Variants in KIF26A observed in about 807,000 individuals in gnomAD.
The protein encoded by KIF26A is kinesin-like protein KIF26A.
Under a neutral mutation model 126.0 loss-of-function variants are expected in KIF26A, and 74 were observed. The observed-to-expected ratio is 0.59, with a 90% confidence interval of 0.49 to 0.71. The LOEUF is 0.71. Ranked by LOEUF, KIF26A falls within the 30% of genes least tolerant of loss-of-function variation. The pLI is 0.00. For missense variants in KIF26A, 2,984 were observed against 2,763.3 expected, an observed-to-expected ratio of 1.08 and a Z score of -1.79; for synonymous variants, 1,445 against 1,232.7, an observed-to-expected ratio of 1.17 and a Z score of -3.61.
rs112128843 is a variant in KIF26A, at chr14:104,166,183, G to GCACAGGA, written c.924-676_924-675insCACAGGA. On this transcript the variant is annotated intron_variant, in intron 4 of 14. Transcript: ENST00000423312. The stretch of plus-strand genomic sequence containing the variant: ...AGCCCTGAGTGACGAGGGTGGCAGG[G>GCACAGGA]GCCCAGGAGCTGGGCAGTGGCTCCA... Among the ~76,000 whole-genome samples the GCACAGGA allele has an allele frequency of 5.6e-3, 820 of 146,096 alleles. 8 individuals carry two copies. The highest frequency in any genetic ancestry group is 0.02 in the African/African-American group (795 of 40,030).
In KIF26A at chr14:104,167,044, G is replaced by C. The variant is rs1466034674; in HGVS notation, c.1109G>C (p.Gly370Ala). The change falls in exon 5 of 15, where the codon GGG becomes GCG. Residue 370 changes from glycine (G) to alanine (A), a missense_variant. Coordinates refer to ENST00000423312, the MANE Select transcript of KIF26A (RefSeq NM_015656.2). ...ACCAAGGACAACCCTGGCAGCATCG[G>C]GAAGGTAGACGCAGCCCCGAGTTCG... Reference protein sequence around the residue: ...SKTKDNPGSIGKVKVMLRIWP... With the variant: ...SKTKDNPGSIAKVKVMLRIWP... The C allele has an allele frequency of 6.4e-7, 1 of 1,553,870 alleles. No individual in the cohort carries two copies. The highest frequency in any genetic ancestry group is 1.9e-5 in the Admixed American group (1 of 52,320).
At position 104,178,686 on chromosome 14, in the gene KIF26A, G is replaced by A. The variant is rs904556881; in HGVS notation, c.5247G>A (p.Lys1749=). 50 of 1,564,046 alleles carry A rather than the reference G, an allele frequency of 3.2e-5. No individual in the cohort carries two copies. Among genetic ancestry groups the A allele is most frequent in the Non-Finnish European group, 4.0e-5 (46 of 1,154,966 alleles). ...CCCTGAAGGAGCCGTTCGAGATCAA[G>A]GTGTACGAGATCGATGACGTGGAGC... ...AGSLKEPFEI[K]VYEIDDVERL... The change falls in exon 13 of 15, where the codon AAG becomes AAA. Residue 1749 remains lysine, a synonymous_variant. Transcript: ENST00000423312.
intron 2 of KIF26A, among the ~76,000 whole-genome samples, chr14:104,149,299 G>A (rs528017931): frequency 3.3e-5 from 5 of 152,238 alleles, no homozygotes; most frequent in South Asian, 4.1e-4. Context: ...GGAGGGCCTC[G>A]TGGCCCGTCC....
intron 2 of KIF26A, among the ~76,000 whole-genome samples, chr14:104,145,745 C>A (rs1387938191): frequency 6.6e-6 from 1 of 152,234 alleles, no homozygotes; most frequent in Non-Finnish European, 1.5e-5. Flanking sequence ...TCAAAACCCT[C>A]ACCCCTGCCG....
rs2037702852 is a variant in KIF26A at position 104,148,860 on chromosome 14, C to T, written c.289-3155C>T. On this transcript the variant is annotated intron_variant, in intron 2 of 14. Coordinates refer to ENST00000423312, the MANE Select transcript of KIF26A (RefSeq NM_015656.2). The surrounding 1 kb of genome is among the most constrained non-coding windows in gnomAD (Gnocchi z 4.3). Reference sequence around the variant, plus strand: ...GCCTCCCTGAGCCCCTCCCTGGAGCCCTGAGTGCTGGTCCCGTGTGCTGAG... The same window carrying T: ...GCCTCCCTGAGCCCCTCCCTGGAGCTCTGAGTGCTGGTCCCGTGTGCTGAG... Among the ~76,000 whole-genome samples the T allele has an allele frequency of 6.6e-6, 1 of 152,174 alleles. No individual in the cohort carries two copies. The highest frequency in any genetic ancestry group is 1.5e-5 in the Non-Finnish European group (1 of 68,028).
At chr14:104,155,493 T>G (rs1333054796) in intron 3 of KIF26A, among the ~76,000 whole-genome samples, 1 of 150,348 alleles carries the variant, frequency 6.7e-6, no homozygotes, top group East Asian at 2.0e-4. Context: ...TCCTTCCGTT[T>G]GCTGCTGTGG....
rs1449861272 is a variant in KIF26A at position 104,138,628 on chromosome 14, A to G, written c.-95A>G. On this transcript the variant is annotated 5_prime_UTR_variant, in exon 1 of 15. It removes an upstream start codon present in the reference 5' UTR. Coordinates refer to ENST00000423312, the MANE Select transcript of KIF26A (RefSeq NM_015656.2). ...AACTTCCGAGCGGCTGGGCCGGGCCATGGGGGCGCCTCGGGGCCGGATCAC... is the reference window on the plus strand; with the variant it reads ...AACTTCCGAGCGGCTGGGCCGGGCCGTGGGGGCGCCTCGGGGCCGGATCAC... 5.9e-6 allele frequency: 6 copies of G among 1,015,456 alleles called. No individual in the cohort carries two copies. The African/African-American group carries it at 6.8e-5, about 12-fold the overall frequency. 62.9% of individuals were successfully genotyped at this position (1,015,456 alleles called of 1,614,324 possible). A position where few individuals can be genotyped will look rare whatever the true frequency, so the allele number is the denominator to read the frequency against.
At chr14:104,159,985 T>C (rs1282555593) in intron 4 of KIF26A, among the ~76,000 whole-genome samples, 1 of 152,070 alleles carries the variant, frequency 6.6e-6, no homozygotes, top group African/African-American at 2.4e-5. Flanking sequence ...CCCAGGGGTC[T>C]TGGGCACGTG....
At chr14:104,162,434 T>A (rs1054650058) in intron 4 of KIF26A, among the ~76,000 whole-genome samples, 2 of 151,984 alleles carry the variant, frequency 1.3e-5, no homozygotes, top group African/African-American at 4.8e-5. Flanking sequence ...CCTGGGAGGG[T>A]CACTGGAGGG....
rs1385060892 is a variant in KIF26A, at chr14:104,175,930, GCTGGGCGGC to G, written c.3144_3152del (p.Gly1049_Pro1051del). Reference sequence around the variant, plus strand: ...GCTGTCCCTGGGGGCGCTTGCCGGAGCTGGGCGGCCCACCAGCCTGGCTAGCTTCGACAG... The same window carrying G: ...GCTGTCCCTGGGGGCGCTTGCCGGAGCCACCAGCCTGGCTAGCTTCGACAG... On this transcript the variant is annotated inframe_deletion, in exon 12 of 15. Transcript: ENST00000423312. 6.4e-7 allele frequency: 1 copy of G among 1,555,050 alleles called. No individual in the cohort carries two copies. The highest frequency in any genetic ancestry group is 1.4e-5 in the African/African-American group (1 of 73,944).
At chr14:104,173,537 G>C in intron 9 of KIF26A, 24 bp downstream of exon 9, 1 of 1,523,110 alleles carries the variant, frequency 6.6e-7, no homozygotes, top group Non-Finnish European at 8.8e-7. Flanking sequence ...CCGCACTCCC[G>C]GGCCCCTGTG....
intron 2 of KIF26A, among the ~76,000 whole-genome samples, chr14:104,146,006 C>T (rs2037677262): frequency 6.6e-6 from 1 of 152,212 alleles, no homozygotes; most frequent in African/African-American, 2.4e-5. Context: ...AGAGGCTCCC[C>T]AAGATGGGGC....
intron 5 of KIF26A, among the ~76,000 whole-genome samples, chr14:104,170,381 C>G (rs763301652): frequency 6.6e-6 from 1 of 152,218 alleles, no homozygotes; most frequent in African/African-American, 2.4e-5. Context: ...TGCTGCTCCC[C>G]GGAGAGCGGG....
At chr14:104,144,605 A>G (rs1373288452) in intron 2 of KIF26A, among the ~76,000 whole-genome samples, 1 of 152,226 alleles carries the variant, frequency 6.6e-6, no homozygotes, top group Non-Finnish European at 1.5e-5. Flanking sequence ...TAAGTAACAA[A>G]GAAAGTCTAG....
chr14:104,142,556 C>T lies in KIF26A; in HGVS notation c.288+3268C>T, dbSNP rs2037646814. 2.0e-5 allele frequency among the ~76,000 whole-genome samples: 3 copies of T among 152,202 alleles called. No homozygotes were observed. In the South Asian group the frequency reaches 6.2e-4, roughly 32 times the overall value. Reference sequence around the variant, plus strand: ...CCTGGGCTGGAGGCCCCTCAGTGTCCCTGCTCTGGCCTCAGGGGCCCCTTC... The same window carrying T: ...CCTGGGCTGGAGGCCCCTCAGTGTCTCTGCTCTGGCCTCAGGGGCCCCTTC... On this transcript the variant is annotated intron_variant, in intron 2 of 14. Coordinates refer to ENST00000423312, the MANE Select transcript of KIF26A (RefSeq NM_015656.2).
chr14:104,173,403 C>A lies in KIF26A; in HGVS notation c.1757C>A (p.Ala586Asp). Residue 586 changes from alanine to aspartate, a missense_variant, in exon 9 of 15, where the codon GCC (alanine) becomes GAC (aspartate). Transcript: ENST00000423312. ...TTCTACCTGGATGCGGCCCTGGCGGCCCGCAGCACCAGCCGAGCGGGCTGT... is the reference window on the plus strand; with the variant it reads ...TTCTACCTGGATGCGGCCCTGGCGGACCGCAGCACCAGCCGAGCGGGCTGT... ...AAFYLDAALAARSTSRAGCGE... is the reference protein window; with the variant it reads ...AAFYLDAALADRSTSRAGCGE... The A allele has an allele frequency of 6.3e-7, 1 of 1,583,388 alleles. No homozygotes were observed. Among genetic ancestry groups the A allele is most frequent in the South Asian group, 1.1e-5 (1 of 87,312 alleles).
intron 3 of KIF26A, among the ~76,000 whole-genome samples, chr14:104,155,248 C>T (rs1333173413): frequency 6.6e-6 from 1 of 152,176 alleles, no homozygotes; most frequent in Non-Finnish European, 1.5e-5. Flanking sequence ...TTTCACGGGC[C>T]AGAACCTTAC....
In KIF26A at chr14:104,173,225, G is replaced by C. The variant is rs554519192; in HGVS notation, c.1669G>C (p.Val557Leu). ...GGGAGTGTACCTGCGGGAGGACCCC[G>C]TGTGTGGGGCGCAGGTGCGCCTGCC... ...SPGVYLREDPVCGAQLQNQSE... is the reference protein window; with the variant it reads ...SPGVYLREDPLCGAQLQNQSE... The change falls in exon 8 of 15, where the codon GTG (valine) becomes CTG (leucine). Residue 557 changes from valine (V) to leucine (L), a missense_variant. Physicochemically the swap from Val to Leu is conservative, Grantham distance 32 (BLOSUM62 1). Transcript: ENST00000423312. The C allele has an allele frequency of 1.2e-6, 2 of 1,608,958 alleles. No homozygotes were observed. Among genetic ancestry groups the C allele is most frequent in the East Asian group, 4.5e-5 (2 of 44,768 alleles).
At chr14:104,149,733 A>G (rs1420498467) in intron 2 of KIF26A, among the ~76,000 whole-genome samples, 1 of 150,488 alleles carries the variant, frequency 6.6e-6, no homozygotes, top group Non-Finnish European at 1.5e-5. Flanking sequence ...CCTGCCCTCC[A>G]CTCTCCTTCC....
Sources: allele counts gnomAD v4.1 joint callset (sites outside exome capture counted in the v4.1 genomes callset), GRCh38; gene constraint gnomAD v4.1.1; non-coding constraint Gnocchi (gnomAD v3.1); transcripts MANE v1.5; gene names NCBI Gene and HGNC (gene_info 2026-07-23, HGNC 2026-07-21).